The following MPP7 variants were observed in gnomAD, a reference collection of about 807,000 sequenced individuals.
MPP7 encodes the protein MAGUK p55 subfamily member 7.
MPP7 carries 60 observed loss-of-function variants against 76.5 expected under a neutral mutation model. That is an observed-to-expected ratio of 0.78 (90% CI 0.64 to 0.97). The LOEUF (loss-of-function observed/expected upper bound fraction) is 0.97. Among genes scored for constraint, MPP7 ranks in the 50% least tolerant of loss-of-function variants. The pLI is 0.00. For missense variants in MPP7, 641 were observed against 694.0 expected, an observed-to-expected ratio of 0.92 and a Z score of 0.86; for synonymous variants, 237 against 244.5, an observed-to-expected ratio of 0.97 and a Z score of 0.29.
chr10:28,280,541 G>T (rs1297904592), intron 1 of MPP7, among the ~76,000 whole-genome samples: 3 of 152,020 alleles, frequency 2.0e-5, no homozygotes, highest in Admixed American at 1.3e-4. Flanking sequence ...GCATACAGGG[G>T]CCTGACGGTA....
At chr10:28,174,959 C>T (rs1308788598) in intron 3 of MPP7, among the ~76,000 whole-genome samples, 1 of 152,142 alleles carries the variant, frequency 6.6e-6, no homozygotes, top group Non-Finnish European at 1.5e-5. Context: ...AGAAGAAAGA[C>T]ACAAACAAAA....
At chr10:28,077,705 A>T (rs1015532723) in intron 12 of MPP7, among the ~76,000 whole-genome samples, 13 of 152,214 alleles carry the variant, frequency 8.5e-5, no homozygotes, top group African/African-American at 3.1e-4. Flanking sequence ...TACCCCTTCG[A>T]TAAAGAAATT....
chr10:28,209,398 G>A (rs1425162457), intron 2 of MPP7, among the ~76,000 whole-genome samples: 1 of 151,082 alleles, frequency 6.6e-6, no homozygotes, highest in African/African-American at 2.4e-5. Flanking sequence ...GAGCCCAGGA[G>A]TTCAAGGCTG....
At chr10:28,110,542 A>G (rs768037617) in intron 11 of MPP7, among the ~76,000 whole-genome samples, 4 of 152,240 alleles carry the variant, frequency 2.6e-5, no homozygotes, top group Non-Finnish European at 5.9e-5. Context: ...TGTCCTTTCT[A>G]TTGATAAGAA....
intron 11 of MPP7, among the ~76,000 whole-genome samples, chr10:28,108,329 TTAAAA>T (rs773512759): frequency 6.6e-6 from 1 of 152,158 alleles, no homozygotes; most frequent in Non-Finnish European, 1.5e-5. Flanking sequence ...ATTATTAATC[TTAAAA>T]TAAGAGAGCT....
chr10:28,274,293 G>A lies in MPP7; in HGVS notation c.-132+28568C>T, dbSNP rs1249640. 3.4e-4 allele frequency among the ~76,000 whole-genome samples: 52 copies of A among 151,194 alleles called. 1 individual carries two copies. The highest frequency in any genetic ancestry group is 1.2e-3 in the African/African-American group (50 of 41,180). ...AATTTTTTGTATTTTTAGTAGAGAC[G>A]GGGTTTCACCGGAGCCAGGATGGTC... On this transcript the variant is annotated intron_variant, in intron 1 of 16. Transcript: ENST00000683449.
At chr10:28,181,868 A>G (rs950244036) in intron 3 of MPP7, among the ~76,000 whole-genome samples, 1 of 152,216 alleles carries the variant, frequency 6.6e-6, no homozygotes, top group African/African-American at 2.4e-5. Context: ...GCCAGCACAT[A>G]AAAATAAACC....
rs180938539 is a variant in MPP7 at position 28,229,656 on chromosome 10, G to A, written c.37+8912C>T. On this transcript the variant is annotated intron_variant, in intron 2 of 16. Coordinates refer to ENST00000683449, the MANE Select transcript of MPP7 (RefSeq NM_001318170.2). ...TGTAATCCCAGCACTTTGGGAGGCC[G>A]AGGCAGGCGGATCATGAGGTCAGGA... Among the ~76,000 whole-genome samples, 498 of 152,214 alleles carry A rather than the reference G, an allele frequency of 3.3e-3. 1 individual carries two copies. The highest frequency in any genetic ancestry group is 0.012 in the African/African-American group (478 of 41,518).
chr10:28,249,600 A>G (rs1269235919), intron 1 of MPP7, among the ~76,000 whole-genome samples: 2 of 152,198 alleles, frequency 1.3e-5, no homozygotes, highest in East Asian at 1.9e-4. Flanking sequence ...AAAAAAGGTC[A>G]TATGTGCCCA....
intron 11 of MPP7, among the ~76,000 whole-genome samples, chr10:28,099,733 G>T (rs950543627): frequency 6.6e-6 from 1 of 152,114 alleles, no homozygotes; most frequent in Non-Finnish European, 1.5e-5. Flanking sequence ...CTTGAACCCA[G>T]GAGGCAGAGG....
At chr10:28,257,795 T>A (rs1419207096) in intron 1 of MPP7, among the ~76,000 whole-genome samples, 59 of 152,036 alleles carry the variant, frequency 3.9e-4, no homozygotes, top group Admixed American at 3.7e-3. Context: ...CGTAACTCTT[T>A]TTTATAACAG....
chr10:28,181,390 ATC>A (rs1837052979), intron 3 of MPP7, among the ~76,000 whole-genome samples: 1 of 152,244 alleles, frequency 6.6e-6, no homozygotes, highest in African/African-American at 2.4e-5. Flanking sequence ...GGATAAAAAT[ATC>A]TTTCTTTATT....
At chr10:28,295,427 G>A (rs528681673) in intron 1 of MPP7, among the ~76,000 whole-genome samples, 127 of 152,076 alleles carry the variant, frequency 8.4e-4, no homozygotes, top group Middle Eastern at 3.4e-3. Flanking sequence ...GCCATAATAG[G>A]AAGAGAAAAA....
At chr10:28,314,942 G>A (rs1021083883) in intron 2 of MPP7, among the ~76,000 whole-genome samples, 1 of 152,074 alleles carries the variant, frequency 6.6e-6, no homozygotes, top group African/African-American at 2.4e-5. Context: ...GAGGCTGAGA[G>A]TTTAAGGCCA....
chr10:28,101,219 G>A (rs944502587), intron 11 of MPP7, among the ~76,000 whole-genome samples: 2 of 152,094 alleles, frequency 1.3e-5, no homozygotes, highest in Non-Finnish European at 2.9e-5. Context: ...ACTTCTGAAA[G>A]AATACCTCTA....
chr10:28,269,842 A>C (rs1271768331), intron 1 of MPP7, among the ~76,000 whole-genome samples: 6 of 152,208 alleles, frequency 3.9e-5, no homozygotes, highest in African/African-American at 9.6e-5. Flanking sequence ...ACTTCAAAGT[A>C]CATAAGATTA....
At chr10:28,067,066 C>T (rs1032360488) in intron 13 of MPP7, among the ~76,000 whole-genome samples, 4 of 152,120 alleles carry the variant, frequency 2.6e-5, no homozygotes, top group East Asian at 1.9e-4. Flanking sequence ...GCAGTAGGAG[C>T]GGAATTGCTG....
At chr10:28,230,545 G>A (rs911084501) in intron 2 of MPP7, among the ~76,000 whole-genome samples, 9 of 152,146 alleles carry the variant, frequency 5.9e-5, no homozygotes, top group Non-Finnish European at 1.3e-4. Flanking sequence ...CAGGCGCAGT[G>A]GCTCACGCCT....
chr10:28,057,781 G>A (rs1166520708), intron 15 of MPP7: 1 of 1,287,856 alleles, frequency 7.8e-7, no homozygotes, highest in Non-Finnish European at 1.0e-6. Context: ...GGCTTCCGCA[G>A]GTCATTCTAG....
Sources: gnomAD v4.1 joint callset for allele counts (sites outside exome capture counted in the v4.1 genomes callset) on GRCh38, gnomAD v4.1.1 for gene constraint, MANE v1.5 for transcripts, NCBI Gene and HGNC (gene_info 2026-07-23, HGNC 2026-07-21) for gene names.